Variants in BRD1 observed in about 807,000 individuals in gnomAD.
BRD1 encodes the protein bromodomain containing 1, also known as bromodomain-containing protein 1.
In BRD1, 24 loss-of-function variants were observed where a neutral mutation model predicts 107.7. The ratio of observed to expected loss-of-function variants is 0.22; its 90% CI spans 0.16 to 0.31. The LOEUF is 0.31. Ranked by LOEUF, BRD1 falls within the 10% of genes least tolerant of loss-of-function variation. The probability of loss-of-function intolerance (pLI) is 1.00; values close to 1 mark genes in which losing one functional copy is unlikely to be tolerated. For missense variants in BRD1, 1,279 were observed against 1,638.6 expected (o/e 0.78, Z 3.79); for synonymous variants, 744 against 686.1 (o/e 1.08, Z -1.32).
intron 2 of BRD1, among the ~76,000 whole-genome samples, chr22:49,812,907 G>C (rs952377874): frequency 9.9e-5 from 15 of 152,182 alleles, no homozygotes; most frequent in African/African-American, 1.2e-4. Context: ...TCACACGCCA[G>C]GACCATTCTG....
chr22:49,788,392 G>GTGA (rs1423598170), intron 7 of BRD1, among the ~76,000 whole-genome samples: 1 of 151,996 alleles, frequency 6.6e-6, no homozygotes, highest in Non-Finnish European at 1.5e-5. Flanking sequence ...ACAGGGAGTG[G>GTGA]TGAGTGGCTG....
chr22:49,810,310 G>C (rs1048554534), intron 2 of BRD1, among the ~76,000 whole-genome samples: 1 of 152,048 alleles, frequency 6.6e-6, no homozygotes, highest in African/African-American at 2.4e-5. Flanking sequence ...CTTGAGCCCA[G>C]GAGTTTCAGA....
rs1569097678 is a variant in BRD1, at chr22:49,787,602, GA to G, written c.2644del (p.Ser882LeufsTer10). 6.4e-7 allele frequency: 1 copy of G among 1,554,956 alleles called. No homozygotes were observed. Among genetic ancestry groups the G allele is most frequent in the Non-Finnish European group, 8.7e-7 (1 of 1,148,918 alleles). ...EPASDVNRRTSVLFCKSKSVS... is the reference protein window; with the variant it reads ...EPASDVNRRTXVLFCKSKSVS... Reference sequence around the variant, plus strand: ...ACTTTTCGATTTGCAGAAGAGAACAGAAGTGCGTCTGTTTACATCGCTTGCT... The same window carrying G: ...ACTTTTCGATTTGCAGAAGAGAACAGAGTGCGTCTGTTTACATCGCTTGCT... On this transcript the variant is annotated frameshift_variant, in exon 8 of 13. Coordinates refer to ENST00000404760, the MANE Select transcript of BRD1 (RefSeq NM_001304808.3). LOFTEE classifies it high-confidence loss of function.
intron 2 of BRD1, among the ~76,000 whole-genome samples, chr22:49,815,146 A>G (rs1313314298): frequency 6.6e-6 from 1 of 152,234 alleles, no homozygotes; most frequent in African/African-American, 2.4e-5. Flanking sequence ...GTCTGAGTGC[A>G]GAGGAAGGTG....
At chr22:49,794,506 G>A (rs2059494327) in intron 6 of BRD1, among the ~76,000 whole-genome samples, 2 of 152,218 alleles carry the variant, frequency 1.3e-5, no homozygotes, top group African/African-American at 4.8e-5. Flanking sequence ...GCTCCTGATG[G>A]AGAATTTCTA....
At position 49,781,295 on chromosome 22, in the gene BRD1, C is replaced by A. The variant is rs372138800; in HGVS notation, c.2858-3482G>T. On this transcript the variant is annotated intron_variant, in intron 8 of 12. Transcript: ENST00000404760. ...CCCGTCACCAGGTACGTCCACAGCA[C>A]ACCTGAAACTGTCCCGGGAGGTCCC... Among the ~76,000 whole-genome samples the A allele has an allele frequency of 1.4e-4, 21 of 152,350 alleles. No individual in the cohort carries two copies. In the East Asian group the frequency reaches 4.1e-3, roughly 29 times the overall value.
chr22:49,777,153 G>T lies in BRD1; in HGVS notation c.3002C>A (p.Ala1001Glu). Residue 1001 changes from alanine (A) to glutamate (E), a missense_variant, in exon 10 of 13, where the codon GCG becomes GAG. Ala to Glu is a moderately radical substitution (Grantham distance 107). Coordinates refer to ENST00000404760, the MANE Select transcript of BRD1 (RefSeq NM_001304808.3). ...CGGTTTGCCCCGCCCACATTTGGGCGCATTAAAGCTTCGGGAGGAAGAGCA... is the reference window on the plus strand; with the variant it reads ...CGGTTTGCCCCGCCCACATTTGGGCTCATTAAAGCTTCGGGAGGAAGAGCA... ...NSPLCDSSFNAPKCGRGKPAL... is the reference protein window; with the variant it reads ...NSPLCDSSFNEPKCGRGKPAL... 6.2e-7 allele frequency: 1 copy of T among 1,612,948 alleles called. No homozygotes were observed. Among genetic ancestry groups the T allele is most frequent in the Non-Finnish European group, 8.5e-7 (1 of 1,179,926 alleles).
intron 2 of BRD1, among the ~76,000 whole-genome samples, chr22:49,822,083 T>C (rs1371286253): frequency 2.0e-5 from 3 of 152,394 alleles, no homozygotes; most frequent in East Asian, 3.9e-4. Flanking sequence ...ACAGAGTTCC[T>C]GCGTGGGCTT....
chr22:49,825,876 CT>C (rs2060142079), intron 1 of BRD1: 1 of 152,394 alleles, frequency 6.6e-6, no homozygotes, highest in African/African-American at 2.4e-5. Flanking sequence ...GACAGAAATC[CT>C]CATTGTATGT....
In BRD1 at chr22:49,823,321, T is replaced by C; in HGVS notation, c.997A>G (p.Lys333Glu). The C allele has an allele frequency of 6.2e-7, 1 of 1,614,208 alleles. No individual in the cohort carries two copies. Among genetic ancestry groups the C allele is most frequent in the Non-Finnish European group, 8.5e-7 (1 of 1,180,034 alleles). Residue 333 changes from lysine to glutamate, a missense_variant, in exon 2 of 13, where the codon AAG becomes GAG. Coordinates refer to ENST00000404760, the MANE Select transcript of BRD1 (RefSeq NM_001304808.3). ...WKLTCYLCKQ[K>E]GVGACIQCHK... ...CACTGGATGCAGGCACCCACGCCCT[T>C]CTGCTTACAGAGGTAGCATGTCAGT...
chr22:49,804,237 C>T lies in BRD1; in HGVS notation c.1491G>A (p.Gln497=). The change falls in exon 3 of 13, where the codon CAG becomes CAA. Residue 497 remains glutamine, a synonymous_variant. Coordinates refer to ENST00000404760, the MANE Select transcript of BRD1 (RefSeq NM_001304808.3). ...RNGAPLLRRL[Q]SSLQSQRSSQ... ...AGCTTCGCTGAGACTGCAGGCTGGACTGCAGCCGCCGCAGCAGGGGGGCCC... is the reference window on the plus strand; with the variant it reads ...AGCTTCGCTGAGACTGCAGGCTGGATTGCAGCCGCCGCAGCAGGGGGGCCC... 1 of 1,606,292 alleles carries T rather than the reference C, an allele frequency of 6.2e-7. No homozygotes were observed. The highest frequency in any genetic ancestry group is 8.5e-7 in the Non-Finnish European group (1 of 1,176,562).
At chr22:49,815,364 G>A (rs12168734) in intron 2 of BRD1, among the ~76,000 whole-genome samples, 12,583 of 152,080 alleles carry the variant, frequency 0.083, 1,365 homozygotes, top group African/African-American at 0.25. Context: ...CCAACGTGAC[G>A]AAACCCCATC....
chr22:49,786,868 T>A (rs1478149379), intron 8 of BRD1, among the ~76,000 whole-genome samples: 1 of 152,140 alleles, frequency 6.6e-6, no homozygotes, highest in East Asian at 1.9e-4. Flanking sequence ...CCCAACACTT[T>A]GGGAGTCAGA....
At chr22:49,819,510 G>C (rs2060022573) in intron 2 of BRD1, among the ~76,000 whole-genome samples, 1 of 152,080 alleles carries the variant, frequency 6.6e-6, no homozygotes, top group Non-Finnish European at 1.5e-5. Context: ...CCATAACCAT[G>C]CCACTGCACC....
At chr22:49,778,725 G>T (rs575850518) in intron 8 of BRD1, among the ~76,000 whole-genome samples, 1 of 152,182 alleles carries the variant, frequency 6.6e-6, no homozygotes, top group South Asian at 2.1e-4. Flanking sequence ...GCAGTGGCAC[G>T]ATCTTGGCTC....
At chr22:49,821,014 G>A (rs1379121627) in intron 2 of BRD1, 1 of 152,286 alleles carries the variant, frequency 6.6e-6, no homozygotes, top group African/African-American at 2.4e-5. Flanking sequence ...TCCCAAGTTA[G>A]GAAAAGAACA....
intron 2 of BRD1, among the ~76,000 whole-genome samples, chr22:49,815,205 T>C (rs1207430507): frequency 1.3e-5 from 2 of 152,184 alleles, no homozygotes; most frequent in Admixed American, 1.3e-4. Context: ...ACTCAGAGTT[T>C]TCCCCAGCAC....
chr22:49,784,719 T>C (rs1044929820), intron 8 of BRD1, among the ~76,000 whole-genome samples: 4 of 152,246 alleles, frequency 2.6e-5, no homozygotes, highest in African/African-American at 9.6e-5. Flanking sequence ...ACTGCAGCTC[T>C]GGGCAAGAAA....
Position 49,824,868 on chromosome 22 carries a change from G to A in BRD1, c.-14-537C>T, listed in dbSNP as rs1428767702. ...AGGAGAGCACTCCCATGAGCCCAGA[G>A]TCACCACAGTCCTTGCAGCATTCCT... On this transcript the variant is annotated intron_variant, in intron 1 of 12. Coordinates refer to ENST00000404760, the MANE Select transcript of BRD1 (RefSeq NM_001304808.3). This position sits in a 1 kb window ranked among gnomAD's most constrained non-coding sequence, Gnocchi z 5.9. 2.0e-6 allele frequency: 2 copies of A among 976,862 alleles called. No individual in the cohort carries two copies. The highest frequency in any genetic ancestry group is 8.7e-5 in the South Asian group (2 of 23,060). The allele number at this position is 976,862 out of a possible 1,614,324, so 60.5% of individuals were successfully genotyped here.
Sources: allele counts gnomAD v4.1 joint callset (sites outside exome capture counted in the v4.1 genomes callset), GRCh38; gene constraint gnomAD v4.1.1; non-coding constraint Gnocchi (gnomAD v3.1); transcripts MANE v1.5; gene names NCBI Gene and HGNC (gene_info 2026-07-23, HGNC 2026-07-21).